The following SELPLG variants were observed in gnomAD, a reference collection of about 807,000 sequenced individuals.
SELPLG encodes the protein selectin P ligand, also known as P-selectin glycoprotein ligand 1.
A neutral mutation model predicts 1.1 loss-of-function variants in SELPLG; 2 were observed. The ratio of observed to expected loss-of-function variants is 1.82; its 90% CI spans 0.74 to 5.71. The LOEUF is 5.71. SELPLG is among the 30% of genes most tolerant of loss of function. The pLI is 0.05. For synonymous variants in SELPLG, 230 were observed against 221.2 expected (o/e 1.04, Z -0.35); for missense variants, 478 against 524.7 (o/e 0.91, Z 0.87).
At chr12:108,629,816 A>G (rs2032012568) in intron 1 of SELPLG, among the ~76,000 whole-genome samples, 1 of 152,182 alleles carries the variant, frequency 6.6e-6, no homozygotes, top group Non-Finnish European at 1.5e-5. Context: ...GAGTTTTCTC[A>G]CCGTGTATGG....
chr12:108,624,700 T>C (rs1464246827), intron 1 of SELPLG, among the ~76,000 whole-genome samples: 1 of 150,884 alleles, frequency 6.6e-6, no homozygotes, highest in African/African-American at 2.4e-5. Context: ...TTTCTTTTTT[T>C]TTTTTTTTAG....
At chr12:108,624,852 G>A (rs976327820) in intron 1 of SELPLG, among the ~76,000 whole-genome samples, 1 of 151,984 alleles carries the variant, frequency 6.6e-6, no homozygotes, top group East Asian at 1.9e-4. Context: ...ACCACACCCA[G>A]CTAATTTGTG....
intron 1 of SELPLG, among the ~76,000 whole-genome samples, chr12:108,631,017 G>C (rs1041906457): frequency 6.6e-6 from 1 of 152,076 alleles, no homozygotes; most frequent in Non-Finnish European, 1.5e-5. Flanking sequence ...AGTTTTTGGA[G>C]GGCAGGAGCT....
chr12:108,624,882 G>A (rs2031909612), intron 1 of SELPLG, among the ~76,000 whole-genome samples: 1 of 151,892 alleles, frequency 6.6e-6, no homozygotes, highest in Non-Finnish European at 1.5e-5. Flanking sequence ...TAGAGACGGG[G>A]TTTCACTATG....
At position 108,623,136 on chromosome 12, in the gene SELPLG, C is replaced by A; in HGVS notation, c.1172G>T (p.Gly391Val). The A allele has an allele frequency of 6.2e-7, 1 of 1,601,264 alleles. No homozygotes were observed. The highest frequency in any genetic ancestry group is 1.1e-5 in the South Asian group (1 of 89,368). ...NGGLSKAKSP[G>V]LTPEPREDRE... Reference sequence around the variant, plus strand: ...GTCCTCCCTGGGCTCTGGCGTCAGGCCCGGGCTCTTGGCCTTGGACAGGCC... The same window carrying A: ...GTCCTCCCTGGGCTCTGGCGTCAGGACCGGGCTCTTGGCCTTGGACAGGCC... Residue 391 changes from glycine (G) to valine (V), a missense_variant, in exon 2 of 2, where the codon GGC (glycine) becomes GTC (valine). Gly to Val is a moderately radical substitution (Grantham distance 109). Coordinates refer to ENST00000550948, the MANE Select transcript of SELPLG (RefSeq NM_003006.4).
At chr12:108,628,318 A>AATACACAC (rs1057249726) in intron 1 of SELPLG, among the ~76,000 whole-genome samples, 13 of 140,304 alleles carry the variant, frequency 9.3e-5, no homozygotes, top group Admixed American at 4.2e-4. Context: ...TAATAAATGT[A>AATACACAC]ACACACACAC....
chr12:108,624,972 G>A (rs2031911038), intron 1 of SELPLG, among the ~76,000 whole-genome samples: 1 of 151,898 alleles, frequency 6.6e-6, no homozygotes, highest in Non-Finnish European at 1.5e-5. Flanking sequence ...TTAGGCATGA[G>A]CCACTGCGCC....
chr12:108,623,329 A>T lies in SELPLG; in HGVS notation c.979T>A (p.Leu327Met). ...VKQCLLAILILALVATIFFVC... is the reference protein window; with the variant it reads ...VKQCLLAILIMALVATIFFVC... Reference sequence around the variant, plus strand: ...AAGAAGATAGTGGCCACCAGCGCCAAGATTAGGATGGCCAGCAGGCACTGC... The same window carrying T: ...AAGAAGATAGTGGCCACCAGCGCCATGATTAGGATGGCCAGCAGGCACTGC... Residue 327 changes from leucine to methionine, a missense_variant, in exon 2 of 2, where the codon TTG becomes ATG. Coordinates refer to ENST00000550948, the MANE Select transcript of SELPLG (RefSeq NM_003006.4). The T allele has an allele frequency of 1.9e-6, 3 of 1,614,264 alleles. No homozygotes were observed. The highest frequency in any genetic ancestry group is 2.5e-6 in the Non-Finnish European group (3 of 1,180,050).
rs1168177621 is a variant in SELPLG at position 108,623,192 on chromosome 12, C to T, written c.1116G>A (p.Gly372=). The change falls in exon 2 of 2, where the codon GGG becomes GGA. Residue 372 remains glycine, a synonymous_variant. Transcript: ENST00000550948. ...TGGCTGTGGCAGAGGGCCCCTCACC[C>T]CCATCAGGCAACAGGGATGAGATGC... ...MVCISSLLPD[G]GEGPSATANG... The T allele has an allele frequency of 1.2e-6, 2 of 1,613,940 alleles. No homozygotes were observed. Among genetic ancestry groups the T allele is most frequent in the Non-Finnish European group, 8.5e-7 (1 of 1,179,936 alleles).
Position 108,631,878 on chromosome 12 carries a change from T to C in SELPLG, c.-6+1862A>G. The C allele has an allele frequency of 3.3e-6, 5 of 1,535,542 alleles. No individual in the cohort carries two copies. The South Asian group carries it at 3.6e-5, about 11-fold the overall frequency. ...ACACACCAGCCATCTTATCTCCTTC[T>C]AGACCACTGGCCCCCACTGCCATCT... On this transcript the variant is annotated intron_variant, in intron 1 of 1. Coordinates refer to ENST00000550948, the MANE Select transcript of SELPLG (RefSeq NM_003006.4).
Position 108,623,584 on chromosome 12 carries a change from G to A in SELPLG, c.724C>T (p.Gln242Ter). The change falls in exon 2 of 2, where the codon CAG becomes TAG. Residue 242 changes from glutamine to a stop codon, truncating the protein, a stop_gained. Transcript: ENST00000550948. LOFTEE classifies it low-confidence loss of function (END_TRUNC). Reference protein sequence around the residue: ...QTTAPEATEAQTTQPTATEAQ... With the variant: ...QTTAPEATEA Reference sequence around the variant, plus strand: ...TCCGTGGCTGTGGGTTGAGTGGTCTGTGCCTCCGTGGCTTCTGGTGCAGTG... The same window carrying A: ...TCCGTGGCTGTGGGTTGAGTGGTCTATGCCTCCGTGGCTTCTGGTGCAGTG... 1.2e-6 allele frequency: 2 copies of A among 1,613,392 alleles called. No homozygotes were observed. Among genetic ancestry groups the A allele is most frequent in the Non-Finnish European group, 1.7e-6 (2 of 1,179,750 alleles).
At chr12:108,624,926 G>C (rs1592818868) in intron 1 of SELPLG, among the ~76,000 whole-genome samples, 1 of 152,052 alleles carries the variant, frequency 6.6e-6, no homozygotes. Context: ...CTGGCCTCAA[G>C]TTATCTGCCC....
In SELPLG at chr12:108,623,900, T is replaced by A; in HGVS notation, c.408A>T (p.Pro136=). 2.8e-6 allele frequency: 3 copies of A among 1,062,844 alleles called. No individual in the cohort carries two copies. Among genetic ancestry groups the A allele is most frequent in the South Asian group, 1.8e-5 (1 of 54,146 alleles). 65.8% of individuals were successfully genotyped at this position (1,062,844 alleles called of 1,614,324 possible). A position where few individuals can be genotyped will look rare whatever the true frequency, so the allele number is the denominator to read the frequency against. The stretch of plus-strand genomic sequence containing the variant: ...GAGTGGTCTGTGCCTCCGTGGGCAC[T>A]GGTTGAGTGGTCTGTGCCTCCGTGG... ...PAATEAQTTQ[P]VPTEAQTTPL... The change falls in exon 2 of 2, where the codon CCA becomes CCT. Residue 136 remains proline (P), a synonymous_variant. Coordinates refer to ENST00000550948, the MANE Select transcript of SELPLG (RefSeq NM_003006.4).
At chr12:108,631,410 C>T (rs989020187) in intron 1 of SELPLG, among the ~76,000 whole-genome samples, 24 of 152,072 alleles carry the variant, frequency 1.6e-4, no homozygotes, top group East Asian at 1.9e-4. Context: ...CCACCAGACC[C>T]GGCTACTTTT....
chr12:108,629,446 C>T (rs530863674), intron 1 of SELPLG, among the ~76,000 whole-genome samples: 5 of 152,278 alleles, frequency 3.3e-5, no homozygotes, highest in Admixed American at 1.3e-4. Context: ...CACGGTGCCT[C>T]GAGCTTGTAC....
intron 1 of SELPLG, among the ~76,000 whole-genome samples, chr12:108,625,140 C>A (rs534373595): frequency 6.6e-6 from 1 of 152,142 alleles, no homozygotes; most frequent in African/African-American, 2.4e-5. Context: ...TCCCAGATAC[C>A]GCTGCTTATT....
At chr12:108,630,248 G>A (rs1395011079) in intron 1 of SELPLG, among the ~76,000 whole-genome samples, 2 of 152,158 alleles carry the variant, frequency 1.3e-5, no homozygotes, top group East Asian at 3.9e-4. Context: ...GACCCCATAT[G>A]GGCCCCATCT....
chr12:108,628,959 A>G (rs1189272300), intron 1 of SELPLG, among the ~76,000 whole-genome samples: 1 of 152,164 alleles, frequency 6.6e-6, no homozygotes, highest in Non-Finnish European at 1.5e-5. Flanking sequence ...AAAAATCATC[A>G]TGAGAATTGA....
At chr12:108,629,204 T>C (rs1269153565) in intron 1 of SELPLG, among the ~76,000 whole-genome samples, 1 of 152,196 alleles carries the variant, frequency 6.6e-6, no homozygotes, top group Non-Finnish European at 1.5e-5. Context: ...CCTCCTTTCC[T>C]GGGCCCGTCT....
Sources: gnomAD v4.1 joint callset for allele counts (sites outside exome capture counted in the v4.1 genomes callset) on GRCh38, gnomAD v4.1.1 for gene constraint, MANE v1.5 for transcripts, NCBI Gene and HGNC (gene_info 2026-07-23, HGNC 2026-07-21) for gene names.